Variants in ZDHHC14 observed in about 807,000 individuals in gnomAD.
ZDHHC14 encodes the protein palmitoyltransferase ZDHHC14.
A neutral mutation model predicts 47.7 loss-of-function variants in ZDHHC14; 16 were observed. The ratio of observed to expected loss-of-function variants is 0.34; its 90% CI spans 0.23 to 0.51. The LOEUF (loss-of-function observed/expected upper bound fraction) is 0.51. Among genes scored for constraint, ZDHHC14 ranks in the 20% least tolerant of loss-of-function variants. The pLI is 0.97. For synonymous variants in ZDHHC14, 293 were observed against 278.9 expected (o/e 1.05, Z -0.50); for missense variants, 515 against 662.5 (o/e 0.78, Z 2.44).
rs149098170 is a variant in ZDHHC14 at position 157,561,089 on chromosome 6, G to C, written c.406+18344G>C. On this transcript the variant is annotated intron_variant, in intron 2 of 8. Coordinates refer to ENST00000359775, the MANE Select transcript of ZDHHC14 (RefSeq NM_024630.3). ...GGGAGCCCAGGTCCTCAGAGCGTGG[G>C]GGTGTTAGCTGCCCTGTGCAAGGCG... is the stretch of plus-strand genomic sequence containing the variant. Among the ~76,000 whole-genome samples the C allele has an allele frequency of 5.2e-3, 792 of 152,334 alleles. 3 individuals are homozygous for C. Among genetic ancestry groups the C allele is most frequent in the African/African-American group, 0.017 (701 of 41,578 alleles).
At chr6:157,479,884 T>C (rs1362262253) in intron 1 of ZDHHC14, among the ~76,000 whole-genome samples, 2 of 152,166 alleles carry the variant, frequency 1.3e-5, no homozygotes, top group Admixed American at 6.5e-5. Context: ...GTGAATCTGA[T>C]CAGACAAGCC....
chr6:157,544,553 G>A lies in ZDHHC14; in HGVS notation c.406+1808G>A, dbSNP rs535904022. 5.9e-5 allele frequency among the ~76,000 whole-genome samples: 9 copies of A among 152,274 alleles called. No homozygotes were observed. The East Asian group carries it at 1.2e-3, about 20-fold the overall frequency. ...AGTCCTAGCTACTGGGGAGGCTGACGCAGGAGAATCGCTTGAACCCAGGAG... is the reference window on the plus strand; with the variant it reads ...AGTCCTAGCTACTGGGGAGGCTGACACAGGAGAATCGCTTGAACCCAGGAG... On this transcript the variant is annotated intron_variant, in intron 2 of 8. Coordinates refer to ENST00000359775, the MANE Select transcript of ZDHHC14 (RefSeq NM_024630.3).
At chr6:157,571,918 A>G (rs898540093) in intron 2 of ZDHHC14, among the ~76,000 whole-genome samples, 1 of 151,584 alleles carries the variant, frequency 6.6e-6, no homozygotes, top group African/African-American at 2.4e-5. Context: ...AAGTGTGTGC[A>G]CCTACGGCAA....
intron 3 of ZDHHC14, among the ~76,000 whole-genome samples, chr6:157,609,998 G>A (rs1056969280): frequency 3.9e-5 from 6 of 152,176 alleles, no homozygotes; most frequent in African/African-American, 1.4e-4. Context: ...GACTTTGTGG[G>A]GTGAATCATT....
intron 1 of ZDHHC14, among the ~76,000 whole-genome samples, chr6:157,445,164 T>TC (rs1562427450): frequency 4.6e-4 from 65 of 142,752 alleles, no homozygotes; most frequent in African/African-American, 1.8e-3. Context: ...TCTATCTATC[T>TC]ATCATCATCA....
intron 1 of ZDHHC14, among the ~76,000 whole-genome samples, chr6:157,388,276 C>A (rs1777357033): frequency 1.3e-5 from 2 of 152,142 alleles, no homozygotes; most frequent in African/African-American, 4.8e-5. Flanking sequence ...ATTGTGTTCC[C>A]TTTTAGCTAG....
At chr6:157,401,567 C>T (rs1372599501) in intron 1 of ZDHHC14, among the ~76,000 whole-genome samples, 3 of 141,042 alleles carry the variant, frequency 2.1e-5, no homozygotes, top group African/African-American at 8.0e-5. Context: ...TGAGGTCTCA[C>T]TGCAGTAGTG....
At chr6:157,635,615 A>T (rs1266676834) in intron 5 of ZDHHC14, among the ~76,000 whole-genome samples, 3 of 152,076 alleles carry the variant, frequency 2.0e-5, no homozygotes, top group Non-Finnish European at 4.4e-5. Flanking sequence ...TTTCAAAGAG[A>T]CTCTGCCAGA....
intron 7 of ZDHHC14, among the ~76,000 whole-genome samples, chr6:157,648,987 A>G (rs1777691594): frequency 6.6e-6 from 1 of 152,196 alleles, no homozygotes; most frequent in African/African-American, 2.4e-5. Context: ...TCATCTGCAT[A>G]TGGCACGGCT....
chr6:157,560,656 GA>G (rs371086710), intron 2 of ZDHHC14, among the ~76,000 whole-genome samples: 9 of 151,608 alleles, frequency 5.9e-5, no homozygotes, highest in African/African-American at 1.9e-4. Context: ...ATAATTAGAA[GA>G]AAAAAAATCA....
intron 1 of ZDHHC14, among the ~76,000 whole-genome samples, chr6:157,523,025 T>G (rs564414929): frequency 6.9e-6 from 1 of 145,728 alleles, no homozygotes; most frequent in Non-Finnish European, 1.5e-5. Context: ...TTCTTTCCCT[T>G]AAACTTTGGC....
At chr6:157,484,425 T>A (rs1779726692) in intron 1 of ZDHHC14, among the ~76,000 whole-genome samples, 1 of 146,062 alleles carries the variant, frequency 6.8e-6, no homozygotes, top group Non-Finnish European at 1.5e-5. Flanking sequence ...CATATACATA[T>A]ATATACGTAT....
chr6:157,406,103 A>C (rs535153993), intron 1 of ZDHHC14, among the ~76,000 whole-genome samples: 122 of 152,324 alleles, frequency 8.0e-4, no homozygotes, highest in Non-Finnish European at 1.6e-3. Flanking sequence ...GAGGTAATGC[A>C]TGAAGTTTAT....
At position 157,496,372 on chromosome 6, in the gene ZDHHC14, AC is replaced by A. The variant is rs367891245; in HGVS notation, c.246-46205del. ...CCCTCCCACATTGGGGAGGAAGTTA[AC>A]CCCCCCCATGCTATTTTAGGTTGAA... On this transcript the variant is annotated intron_variant, in intron 1 of 8. Coordinates refer to ENST00000359775, the MANE Select transcript of ZDHHC14 (RefSeq NM_024630.3). Among the ~76,000 whole-genome samples the A allele has an allele frequency of 2.0e-3, 296 of 150,562 alleles. 1 individual carries two copies. The highest frequency in any genetic ancestry group is 6.4e-3 in the African/African-American group (262 of 40,916).
intron 3 of ZDHHC14, among the ~76,000 whole-genome samples, chr6:157,601,190 T>G: frequency 6.6e-6 from 1 of 152,344 alleles, no homozygotes; most frequent in South Asian, 2.1e-4. Flanking sequence ...GATTAAAAAC[T>G]AATACAGAAG....
chr6:157,551,228 T>C (rs1013006417), intron 2 of ZDHHC14, among the ~76,000 whole-genome samples: 1 of 152,180 alleles, frequency 6.6e-6, no homozygotes, highest in Non-Finnish European at 1.5e-5. Context: ...CCCTTCCTCC[T>C]GGGGTGCTGG....
chr6:157,516,757 CCTT>C (rs2114758789), intron 1 of ZDHHC14, among the ~76,000 whole-genome samples: 1 of 152,314 alleles, frequency 6.6e-6, no homozygotes, highest in East Asian at 1.9e-4. Flanking sequence ...GAAATGGCAA[CCTT>C]CTGTGGGCCT....
intron 1 of ZDHHC14, among the ~76,000 whole-genome samples, chr6:157,417,881 G>A (rs1206832833): frequency 7.3e-5 from 11 of 151,628 alleles, no homozygotes; most frequent in African/African-American, 2.7e-4. Context: ...CTGAACCCAG[G>A]AGGCGGAGCT....
At chr6:157,602,881 T>G (rs1215227662) in intron 3 of ZDHHC14, among the ~76,000 whole-genome samples, 1 of 152,198 alleles carries the variant, frequency 6.6e-6, no homozygotes, top group Non-Finnish European at 1.5e-5. Context: ...GTTTAGTCGT[T>G]TCTTTGTGGT....
Sources: gnomAD v4.1 joint callset for allele counts (sites outside exome capture counted in the v4.1 genomes callset) on GRCh38, gnomAD v4.1.1 for gene constraint, MANE v1.5 for transcripts, NCBI Gene and HGNC (gene_info 2026-07-23, HGNC 2026-07-21) for gene names.